The following CHMP7 variants were observed in gnomAD, a reference collection of about 807,000 sequenced individuals.
The protein encoded by CHMP7 is charged multivesicular body protein 7.
A neutral mutation model predicts 53.7 loss-of-function variants in CHMP7; 15 were observed. The observed-to-expected ratio is 0.28, with a 90% confidence interval of 0.19 to 0.43. CHMP7 has a LOEUF of 0.43. Among genes scored for constraint, CHMP7 ranks in the 20% least tolerant of loss-of-function variants. CHMP7 has a pLI of 1.00. For missense variants in CHMP7, 527 were observed against 569.4 expected, an observed-to-expected ratio of 0.93 and a Z score of 0.76; for synonymous variants, 261 against 228.0, an observed-to-expected ratio of 1.14 and a Z score of -1.30.
intron 3 of CHMP7, among the ~76,000 whole-genome samples, chr8:23,253,956 C>A (rs1470777414): frequency 1.3e-5 from 2 of 152,172 alleles, no homozygotes; most frequent in Non-Finnish European, 2.9e-5. Context: ...TCAGTGACCA[C>A]CCACCATCTA....
In CHMP7 at chr8:23,260,680, T is replaced by C; in HGVS notation, c.*81T>C. 9.1e-7 allele frequency: 1 copy of C among 1,098,880 alleles called. No homozygotes were observed. The highest frequency in any genetic ancestry group is 1.4e-6 in the Non-Finnish European group (1 of 713,214). The allele number at this position is 1,098,880 out of a possible 1,614,324, so 68.1% of individuals were successfully genotyped here. ...ACATAGTTATTTAAACAAGAAACTC[T>C]CAGAATGTGTTTGGAAGAGGAGAAA... On this transcript the variant is annotated 3_prime_UTR_variant, in exon 11 of 11. Coordinates refer to ENST00000397677, the MANE Select transcript of CHMP7 (RefSeq NM_152272.5).
intron 5 of CHMP7, among the ~76,000 whole-genome samples, chr8:23,257,188 C>G (rs1024294451): frequency 7.3e-5 from 11 of 151,472 alleles, no homozygotes; most frequent in African/African-American, 2.7e-4. Context: ...AGTCTAACTC[C>G]TGAGCTCAAG....
At chr8:23,245,901 T>A (rs527592981) in intron 1 of CHMP7, among the ~76,000 whole-genome samples, 2 of 152,248 alleles carry the variant, frequency 1.3e-5, no homozygotes, top group African/African-American at 2.4e-5. Context: ...TTTGTGGACA[T>A]ACAGTTATTC....
At chr8:23,260,079 T>A in intron 9 of CHMP7, 65 bp from the exon 10 acceptor site, 1 of 1,391,428 alleles carries the variant, frequency 7.2e-7, no homozygotes, top group South Asian at 1.2e-5. Context: ...GTAACCTCAG[T>A]CCTGTACTCA....
intron 4 of CHMP7, 130 bp from the exon 5 acceptor site, chr8:23,256,330 C>T (rs558383247): frequency 4.4e-4 from 303 of 695,286 alleles, no homozygotes; most frequent in Non-Finnish European, 7.1e-4. Context: ...CAGGGGATTC[C>T]ATTCACTGGA....
chr8:23,245,654 A>G (rs1299556174), intron 1 of CHMP7, among the ~76,000 whole-genome samples: 1 of 152,122 alleles, frequency 6.6e-6, no homozygotes. Flanking sequence ...GTTGGGAAGT[A>G]TTCCTTTTGT....
intron 4 of CHMP7, among the ~76,000 whole-genome samples, chr8:23,256,149 A>G (rs1486303437): frequency 6.6e-6 from 1 of 152,246 alleles, no homozygotes; most frequent in Non-Finnish European, 1.5e-5. Context: ...GCTTCCTTTA[A>G]GTGAAAAGGT....
At chr8:23,259,499 T>C (rs898857372) in intron 9 of CHMP7, among the ~76,000 whole-genome samples, 7 of 152,112 alleles carry the variant, frequency 4.6e-5, no homozygotes, top group African/African-American at 1.4e-4. Flanking sequence ...TAGCTGGGAT[T>C]ATAGGCGCCC....
chr8:23,247,967 T>G, intron 2 of CHMP7: 1 of 425,116 alleles, frequency 2.4e-6, no homozygotes, highest in South Asian at 1.6e-5. Context: ...GAGATCTCCC[T>G]TCTCTACTTT....
chr8:23,258,764 A>G lies in CHMP7; in HGVS notation c.993A>G (p.Ala331=), dbSNP rs1802242321. 7 of 1,613,350 alleles carry G rather than the reference A, an allele frequency of 4.3e-6. No individual in the cohort carries two copies. The highest frequency in any genetic ancestry group is 5.9e-6 in the Non-Finnish European group (7 of 1,179,672). The change falls in exon 8 of 11, where the codon GCA becomes GCG. Residue 331 remains alanine (A), a synonymous_variant. Transcript: ENST00000397677. ...VFNAYQAGVG[A]LKLSMKDVTV... is the part of the protein sequence containing the mutation. The stretch of plus-strand genomic sequence containing the variant: ...ACGCCTACCAGGCTGGGGTAGGAGC[A>G]CTCAAACTCTCCATGAAGGATGTCA...
At position 23,255,249 on chromosome 8, in the gene CHMP7, A is replaced by G; in HGVS notation, c.474A>G (p.Glu158=). The part of the protein sequence containing the change: ...EVLVAVELLK[E]KAEEVYRLYQ... ...AGCCAATGTTGCCTTTCCCACAGGA[A>G]AAGGCTGAGGAGGTGTATCGTCTGT... Residue 158 remains glutamate (E), a splice_region_variant and synonymous_variant, in exon 4 of 11, where the codon GAA becomes GAG. Coordinates refer to ENST00000397677, the MANE Select transcript of CHMP7 (RefSeq NM_152272.5). The G allele has an allele frequency of 1.2e-6, 2 of 1,614,078 alleles. No homozygotes were observed. Among genetic ancestry groups the G allele is most frequent in the Non-Finnish European group, 8.5e-7 (1 of 1,180,032 alleles).
chr8:23,258,180 G>T (rs761976733), intron 6 of CHMP7, 99 bp downstream of exon 6: 7 of 1,436,588 alleles, frequency 4.9e-6, no homozygotes, highest in East Asian at 2.3e-5. Context: ...TTTGAGGGGG[G>T]TAGAGTCTGC....
In CHMP7 at chr8:23,258,834, C is replaced by A. The variant is rs766203467; in HGVS notation, c.1059+4C>A. On this transcript the variant is annotated splice_donor_region_variant and intron_variant, in intron 8 of 10. Transcript: ENST00000397677. ...CCTCGTGGATCAGATCCAAGAGGTA[C>A]AGAAAGGGGCCAGGGAGGGACACAC... 1.2e-5 allele frequency: 19 copies of A among 1,583,000 alleles called. No homozygotes were observed. The South Asian group carries it at 1.9e-4, about 16-fold the overall frequency.
At chr8:23,255,083 C>A in intron 3 of CHMP7, 164 bp from the exon 4 acceptor site, 1 of 685,224 alleles carries the variant, frequency 1.5e-6, no homozygotes, top group Non-Finnish European at 2.5e-6. Context: ...GGCTTAAAAA[C>A]ACAGATCCTT....
At position 23,256,488 on chromosome 8, in the gene CHMP7, C is replaced by G. The variant is rs745518326; in HGVS notation, c.686C>G (p.Ala229Gly). The G allele has an allele frequency of 1.0e-5, 16 of 1,607,226 alleles. No individual in the cohort carries two copies. In the South Asian group the frequency reaches 1.8e-4, roughly 18 times the overall value. Residue 229 changes from alanine (A) to glycine (G), a missense_variant, in exon 5 of 11, where the codon GCC (alanine) becomes GGC (glycine). Physicochemically the swap from Ala to Gly is moderately conservative, Grantham distance 60 (BLOSUM62 0). Transcript: ENST00000397677. ...GTGAAGTTTGCCCGAGGGCCACGTG[C>G]CAAGGTCTCTCCAGTCAATGACGTA... ...KIVKFARGPR[A>G]KVSPVNDVDV...
Position 23,246,993 on chromosome 8 carries a change from C to T in CHMP7, c.298C>T (p.Arg100Cys). 6.6e-7 allele frequency: 1 copy of T among 1,505,378 alleles called. No homozygotes were observed. The highest frequency in any genetic ancestry group is 8.9e-7 in the Non-Finnish European group (1 of 1,129,316). 93.3% of individuals were successfully genotyped at this position (1,505,378 alleles called of 1,614,324 possible). ...GGCCACGGTGCTGCAGGACCTGCTG[C>T]GGTGAGGGGCGGGCTGGGGCCAGGG... ...GLATVLQDLL[R>C]RGELQRESDF... Residue 100 changes from arginine (R) to cysteine (C), a missense_variant and splice_region_variant, in exon 2 of 11, where the codon CGT (arginine) becomes TGT (cysteine). Transcript: ENST00000397677.
intron 3 of CHMP7, among the ~76,000 whole-genome samples, chr8:23,253,763 TA>T (rs1336645910): frequency 6.6e-6 from 1 of 152,216 alleles, no homozygotes; most frequent in Admixed American, 6.5e-5. Context: ...TTACCAGTGT[TA>T]TCTTCTGAAT....
In CHMP7 at chr8:23,246,707, G is replaced by A. The variant is rs1265392542; in HGVS notation, c.12G>A (p.Pro4=). ...GGGCTGGGGTTCCGATGTGGTCCCC[G>A]GAGCGGGAGGCCGAGGCCCCAGCCG... MWS[P]EREAEAPAGG... Residue 4 remains proline, a synonymous_variant, in exon 2 of 11, where the codon CCG becomes CCA. Coordinates refer to ENST00000397677, the MANE Select transcript of CHMP7 (RefSeq NM_152272.5). 2 of 1,548,646 alleles carry A rather than the reference G, an allele frequency of 1.3e-6. No homozygotes were observed. The highest frequency in any genetic ancestry group is 2.4e-5 in the East Asian group (1 of 40,892).
Position 23,246,875 on chromosome 8 carries a change from G to A in CHMP7, c.180G>A (p.Val60=), listed in dbSNP as rs1801717166. The A allele has an allele frequency of 3.8e-6, 6 of 1,591,932 alleles. No homozygotes were observed. The highest frequency in any genetic ancestry group is 5.1e-6 in the Non-Finnish European group (6 of 1,170,076). The change falls in exon 2 of 11, where the codon GTG becomes GTA. Residue 60 remains valine (V), a synonymous_variant. Coordinates refer to ENST00000397677, the MANE Select transcript of CHMP7 (RefSeq NM_152272.5). ...AGATGGGCTTCTGGGCGCCGTTGGT[G>A]CTGAGCCACAGCCGCCGCCAGGGGG... is the stretch of plus-strand genomic sequence containing the variant. ...DSKMGFWAPL[V]LSHSRRQGVV...
Sources: gnomAD v4.1 joint callset for allele counts (sites outside exome capture counted in the v4.1 genomes callset) on GRCh38, gnomAD v4.1.1 for gene constraint, MANE v1.5 for transcripts, NCBI Gene and HGNC (gene_info 2026-07-23, HGNC 2026-07-21) for gene names.